RAD54L2: variants seen among roughly 807,000 people sequenced by gnomAD.
RAD54L2 encodes helicase ARIP4.
RAD54L2 carries 27 observed loss-of-function variants against 138.4 expected under a neutral mutation model. The ratio of observed to expected loss-of-function variants is 0.20; its 90% CI spans 0.14 to 0.27. The LOEUF (loss-of-function observed/expected upper bound fraction) is 0.27, where lower values mean the gene tolerates loss of function less well. Among genes scored for constraint, RAD54L2 ranks in the 10% least tolerant of loss-of-function variants. The probability of loss-of-function intolerance (pLI) is 1.00; values close to 1 mark genes in which losing one functional copy is unlikely to be tolerated. For synonymous variants in RAD54L2, 644 were observed against 723.2 expected, an observed-to-expected ratio of 0.89 and a Z score of 1.76; for missense variants, 1,396 against 1,890.2, an observed-to-expected ratio of 0.74 and a Z score of 4.85.
At chr3:51,647,307 A>G (rs906957049) in intron 19 of RAD54L2, among the ~76,000 whole-genome samples, 4 of 152,174 alleles carry the variant, frequency 2.6e-5, no homozygotes, top group African/African-American at 4.8e-5. Context: ...GGCTCAGGTG[A>G]TCCTCACACC....
At chr3:51,629,641 CT>C (rs1337104662) in intron 5 of RAD54L2, among the ~76,000 whole-genome samples, 168 bp downstream of exon 5, 1 of 151,966 alleles carries the variant, frequency 6.6e-6, no homozygotes, top group Non-Finnish European at 1.5e-5. Flanking sequence ...GATGGATTGC[CT>C]GAGTTCAGGA....
In RAD54L2 at chr3:51,639,402, C is replaced by T. The variant is rs1304548168; in HGVS notation, c.1861-17C>T. Reference sequence around the variant, plus strand: ...GTTTTTTGTCCTGTGTCTCCTCTCCCTTTCCTTGAACCTCAGATCTGGAAT... The same window carrying T: ...GTTTTTTGTCCTGTGTCTCCTCTCCTTTTCCTTGAACCTCAGATCTGGAAT... On this transcript the variant is annotated splice_polypyrimidine_tract_variant and intron_variant, in intron 12 of 22. Coordinates refer to ENST00000684192, the MANE Select transcript of RAD54L2 (RefSeq NM_015106.4). The T allele has an allele frequency of 1.9e-6, 3 of 1,612,752 alleles. No homozygotes were observed. Among genetic ancestry groups the T allele is most frequent in the East Asian group, 2.2e-5 (1 of 44,852 alleles).
chr3:51,566,483 T>G (rs1371567923), intron 2 of RAD54L2, among the ~76,000 whole-genome samples: 3 of 137,058 alleles, frequency 2.2e-5, no homozygotes, highest in African/African-American at 2.8e-5. Context: ...TTTTTTTTTT[T>G]TTTTTTTTTT....
intron 3 of RAD54L2, among the ~76,000 whole-genome samples, chr3:51,603,291 G>C (rs905112939): frequency 3.9e-5 from 6 of 152,098 alleles, no homozygotes; most frequent in African/African-American, 7.2e-5. Flanking sequence ...CTGGGTGACA[G>C]AGTGAGACTT....
At chr3:51,607,923 C>G (rs13433978) in intron 3 of RAD54L2, among the ~76,000 whole-genome samples, 2 of 132,692 alleles carry the variant, frequency 1.5e-5, no homozygotes, top group South Asian at 2.3e-4. Flanking sequence ...GCTGGCCGGG[C>G]GGGGGCTGCC....
At chr3:51,640,067 A>C in intron 14 of RAD54L2, 68 bp downstream of exon 14, 2 of 1,177,440 alleles carry the variant, frequency 1.7e-6, no homozygotes, top group East Asian at 5.1e-5. Flanking sequence ...ACCACAGAGC[A>C]AGACCAAGAC....
At position 51,668,534 on chromosome 3, in the gene RAD54L2, C is replaced by T. The variant is rs1423003959; in HGVS notation, c.*5114C>T. ...ACTGGGCAACTGGCTGTTTCTATGA[C>T]GTATTTATTTTTACTTGTGTTTCAT... On this transcript the variant is annotated 3_prime_UTR_variant, in exon 23 of 23. Coordinates refer to ENST00000684192, the MANE Select transcript of RAD54L2 (RefSeq NM_015106.4). 1.3e-5 allele frequency: 2 copies of T among 152,130 alleles called. No individual in the cohort carries two copies. Among genetic ancestry groups the T allele is most frequent in the African/African-American group, 2.4e-5 (1 of 41,492 alleles). The allele number at this position is 152,130 out of a possible 1,614,324, so 9.4% of individuals were successfully genotyped here.
At chr3:51,603,371 C>G (rs187250169) in intron 3 of RAD54L2, among the ~76,000 whole-genome samples, 1 of 151,850 alleles carries the variant, frequency 6.6e-6, no homozygotes, top group African/African-American at 2.4e-5. Flanking sequence ...TTTGGGAGGC[C>G]GAGGCAGGTG....
intron 19 of RAD54L2, among the ~76,000 whole-genome samples, chr3:51,647,347 T>A (rs1221045431): frequency 6.6e-6 from 1 of 152,076 alleles, no homozygotes; most frequent in African/African-American, 2.4e-5. Context: ...GGATTACAGG[T>A]GTGCATCACC....
At chr3:51,587,131 C>A (rs916080063) in intron 2 of RAD54L2, among the ~76,000 whole-genome samples, 1 of 150,892 alleles carries the variant, frequency 6.6e-6, no homozygotes, top group Non-Finnish European at 1.5e-5. Context: ...ATGGGAGTCT[C>A]GCTGTGTCGC....
At chr3:51,623,085 C>T (rs1310508507) in intron 3 of RAD54L2, among the ~76,000 whole-genome samples, 2 of 152,198 alleles carry the variant, frequency 1.3e-5, no homozygotes, top group African/African-American at 2.4e-5. Flanking sequence ...AGCAGATGTT[C>T]ATATGTGTGT....
At chr3:51,626,875 C>T (rs552992493) in intron 3 of RAD54L2, among the ~76,000 whole-genome samples, 2 of 152,250 alleles carry the variant, frequency 1.3e-5, no homozygotes, top group East Asian at 1.9e-4. Context: ...CCTGTGATGT[C>T]TTCAACCTTA....
intron 2 of RAD54L2, among the ~76,000 whole-genome samples, chr3:51,570,707 G>A (rs1363540598): frequency 1.3e-5 from 2 of 151,986 alleles, no homozygotes; most frequent in Admixed American, 6.6e-5. Context: ...CGCCTGCCTC[G>A]GCCTCCCAAA....
At chr3:51,553,408 G>A (rs1377592823) in intron 2 of RAD54L2, among the ~76,000 whole-genome samples, 1 of 152,138 alleles carries the variant, frequency 6.6e-6, no homozygotes, top group Admixed American at 6.6e-5. Flanking sequence ...AATCATAGCA[G>A]CTCACATACT....
chr3:51,561,545 G>A (rs1264026559), intron 2 of RAD54L2, among the ~76,000 whole-genome samples: 5 of 151,408 alleles, frequency 3.3e-5, no homozygotes, highest in African/African-American at 7.3e-5. Context: ...ACGCCCGGCC[G>A]AAATTCCCTT....
At chr3:51,623,324 G>T (rs1421339590) in intron 3 of RAD54L2, among the ~76,000 whole-genome samples, 3 of 152,130 alleles carry the variant, frequency 2.0e-5, no homozygotes, top group African/African-American at 7.2e-5. Context: ...ATTGAGATTT[G>T]AATTCTCTAC....
intron 2 of RAD54L2, among the ~76,000 whole-genome samples, chr3:51,548,147 G>T (rs1479961483): frequency 6.6e-6 from 1 of 151,520 alleles, no homozygotes; most frequent in African/African-American, 2.4e-5. Flanking sequence ...GCACATCTCG[G>T]CCTCCCAAAA....
intron 1 of RAD54L2, chr3:51,541,156 A>C (rs1027920216): frequency 2.0e-5 from 3 of 151,804 alleles, no homozygotes; most frequent in Non-Finnish European, 4.4e-5. Context: ...AAAAATGCTG[A>C]TGATATTTTT....
At chr3:51,586,794 C>G (rs1699720239) in intron 2 of RAD54L2, among the ~76,000 whole-genome samples, 1 of 151,952 alleles carries the variant, frequency 6.6e-6, no homozygotes, top group Admixed American at 6.6e-5. Context: ...GTCTTGAACT[C>G]CTGACCTCAG....
Sources: allele counts gnomAD v4.1 joint callset (sites outside exome capture counted in the v4.1 genomes callset), GRCh38; gene constraint gnomAD v4.1.1; transcripts MANE v1.5; gene names NCBI Gene and HGNC (gene_info 2026-07-23, HGNC 2026-07-21).